The following SDK1 variants were observed in gnomAD, a reference collection of about 807,000 sequenced individuals.
The protein encoded by SDK1 is protein sidekick-1.
A neutral mutation model predicts 245.5 loss-of-function variants in SDK1; 157 were observed. The ratio of observed to expected loss-of-function variants is 0.64; its 90% CI spans 0.56 to 0.73. The LOEUF (loss-of-function observed/expected upper bound fraction) is 0.73, where lower values mean the gene tolerates loss of function less well. Ranked by LOEUF, SDK1 falls within the 30% of genes least tolerant of loss-of-function variation. The pLI, the probability that SDK1 is intolerant of heterozygous loss-of-function variation, is 0.00. For missense variants in SDK1, 3,583 were observed against 3,002.3 expected (o/e 1.19, Z -4.52); for synonymous variants, 1,647 against 1,278.5 (o/e 1.29, Z -6.15).
intron 1 of SDK1, among the ~76,000 whole-genome samples, chr7:3,421,392 G>A (rs1779531176): frequency 6.6e-6 from 1 of 151,796 alleles, no homozygotes. Context: ...CTCACTTCTA[G>A]TTATCAATGT....
intron 44 of SDK1, 35 bp downstream of exon 44, chr7:4,245,840 T>C (rs1786818644): frequency 6.2e-7 from 1 of 1,611,972 alleles, no homozygotes; most frequent in African/African-American, 1.3e-5. Context: ...GCAGTGACCA[T>C]CAGCCCCTAC....
intron 1 of SDK1, among the ~76,000 whole-genome samples, chr7:3,595,308 A>G (rs1039815333): frequency 6.6e-6 from 1 of 152,122 alleles, no homozygotes; most frequent in Non-Finnish European, 1.5e-5. Context: ...AAAAAATTAT[A>G]TATAAATTCA....
chr7:4,138,888 T>C (rs1369459048), intron 28 of SDK1, among the ~76,000 whole-genome samples: 1 of 152,236 alleles, frequency 6.6e-6, no homozygotes, highest in Non-Finnish European at 1.5e-5. Context: ...CAGACCAGCA[T>C]ACCATCACCC....
chr7:4,205,413 C>G (rs1177145584), intron 35 of SDK1, among the ~76,000 whole-genome samples: 1 of 152,132 alleles, frequency 6.6e-6, no homozygotes, highest in Non-Finnish European at 1.5e-5. Flanking sequence ...CTGTCACATC[C>G]CAGGCATTGC....
chr7:3,638,899 A>T, intron 2 of SDK1, 105 bp from the exon 3 acceptor site: 1 of 578,860 alleles, frequency 1.7e-6, no homozygotes, highest in Non-Finnish European at 3.1e-6. Context: ...TTGAGCATAT[A>T]CTAGATGAGA....
In SDK1 at chr7:3,428,659, A is replaced by T. The variant is rs77817647; in HGVS notation, c.298+126775A>T. Among the ~76,000 whole-genome samples, 557 of 152,314 alleles carry T rather than the reference A, an allele frequency of 3.7e-3. 7 individuals carry two copies. Among genetic ancestry groups the T allele is most frequent in the African/African-American group, 0.013 (522 of 41,564 alleles). On this transcript the variant is annotated intron_variant, in intron 1 of 44. Coordinates refer to ENST00000404826, the MANE Select transcript of SDK1 (RefSeq NM_152744.4). ...TGTCTGTGCTTAGCTTGGGCTAACCATGTAAGACTGCCAAGATTTGCATAA... is the reference window on the plus strand; with the variant it reads ...TGTCTGTGCTTAGCTTGGGCTAACCTTGTAAGACTGCCAAGATTTGCATAA...
chr7:3,406,561 T>TA (rs1245138712), intron 1 of SDK1, among the ~76,000 whole-genome samples: 2 of 152,198 alleles, frequency 1.3e-5, no homozygotes, highest in Non-Finnish European at 2.9e-5. Flanking sequence ...TTTGGTTAGT[T>TA]ATTCTATAGA....
chr7:3,473,881 T>A (rs1277180100), intron 1 of SDK1, among the ~76,000 whole-genome samples: 1 of 151,976 alleles, frequency 6.6e-6, no homozygotes, highest in Non-Finnish European at 1.5e-5. Context: ...TTCGCGTATG[T>A]TCCTAGCTAC....
At chr7:3,775,625 G>A (rs925714518) in intron 4 of SDK1, among the ~76,000 whole-genome samples, 26 of 150,046 alleles carry the variant, frequency 1.7e-4, no homozygotes, top group African/African-American at 6.2e-4. Context: ...GCCGGACTGC[G>A]GACTGCAGTG....
intron 1 of SDK1, among the ~76,000 whole-genome samples, chr7:3,599,679 G>T (rs1407730310): frequency 6.6e-6 from 1 of 152,082 alleles, no homozygotes; most frequent in East Asian, 1.9e-4. Flanking sequence ...TGCCTTCTAG[G>T]TATTCAATTG....
intron 4 of SDK1, among the ~76,000 whole-genome samples, chr7:3,695,265 T>C (rs566153391): frequency 6.6e-6 from 1 of 152,350 alleles, no homozygotes; most frequent in South Asian, 2.1e-4. Flanking sequence ...TGCAGGAGGA[T>C]AGGAAATGGA....
intron 1 of SDK1, among the ~76,000 whole-genome samples, chr7:3,570,809 A>AAGGAC (rs1294663624): frequency 2.4e-4 from 36 of 152,084 alleles, no homozygotes; most frequent in Non-Finnish European, 3.4e-4. Flanking sequence ...TTTAGCACAA[A>AAGGAC]TTAATGTTCT....
intron 31 of SDK1, 24 bp from the exon 32 acceptor site, chr7:4,161,762 G>A (rs370570905): frequency 1.2e-5 from 19 of 1,606,632 alleles, no homozygotes; most frequent in Non-Finnish European, 1.5e-5. Context: ...CCTGACCCCC[G>A]CTTTCCTCTC....
intron 5 of SDK1, among the ~76,000 whole-genome samples, chr7:3,897,798 T>C (rs1409543160): frequency 6.6e-6 from 1 of 152,180 alleles, no homozygotes; most frequent in African/African-American, 2.4e-5. Context: ...TAAATGGTTA[T>C]AGTTAATTTG....
chr7:3,841,510 G>C (rs539801156), intron 5 of SDK1, among the ~76,000 whole-genome samples: 1 of 152,270 alleles, frequency 6.6e-6, no homozygotes, highest in African/African-American at 2.4e-5. Flanking sequence ...TGAGCTCCAG[G>C]TGGCTAGAAC....
chr7:4,207,086 G>T (rs1009647501), intron 36 of SDK1, among the ~76,000 whole-genome samples: 1 of 152,184 alleles, frequency 6.6e-6, no homozygotes, highest in African/African-American at 2.4e-5. Flanking sequence ...GATCTTAGAC[G>T]GTCAATTCAG....
chr7:3,742,044 C>A lies in SDK1; in HGVS notation c.714-79406C>A, dbSNP rs7791672. 2.1e-4 allele frequency among the ~76,000 whole-genome samples: 30 copies of A among 146,044 alleles called. No homozygotes were observed. The South Asian group carries it at 6.1e-3, about 30-fold the overall frequency. ...ATTTTTAAACTGATTTTAGAATTAG[C>A]GCTTAAAATAGAAAAGACAGAGCAC... On this transcript the variant is annotated intron_variant, in intron 4 of 44. Transcript: ENST00000404826.
chr7:3,792,863 A>G (rs1562447132), intron 4 of SDK1, among the ~76,000 whole-genome samples: 2 of 152,180 alleles, frequency 1.3e-5, no homozygotes, highest in South Asian at 2.1e-4. Context: ...GTTCCTGCCT[A>G]CAGTCCCCAT....
intron 1 of SDK1, among the ~76,000 whole-genome samples, chr7:3,415,153 A>G (rs887925984): frequency 2.6e-5 from 4 of 152,186 alleles, no homozygotes; most frequent in African/African-American, 9.7e-5. Context: ...ACTTTATATC[A>G]TTTATTTATC....
Sources: allele counts gnomAD v4.1 joint callset (sites outside exome capture counted in the v4.1 genomes callset), GRCh38; gene constraint gnomAD v4.1.1; transcripts MANE v1.5; gene names NCBI Gene and HGNC (gene_info 2026-07-23, HGNC 2026-07-21).